TBC1D2B: variants seen among roughly 807,000 people sequenced by gnomAD.
The protein encoded by TBC1D2B is TBC1 domain family, member 2B.
TBC1D2B carries 64 observed loss-of-function variants against 100.8 expected under a neutral mutation model. That is an observed-to-expected ratio of 0.64 (90% CI 0.52 to 0.78). TBC1D2B has a LOEUF of 0.78. Ranked by LOEUF, TBC1D2B falls within the 30% of genes least tolerant of loss-of-function variation. The probability of loss-of-function intolerance (pLI) is 0.00; values close to 1 mark genes in which losing one functional copy is unlikely to be tolerated. For missense variants in TBC1D2B, 1,052 were observed against 1,218.4 expected, an observed-to-expected ratio of 0.86 and a Z score of 2.03; for synonymous variants, 480 against 479.7, an observed-to-expected ratio of 1.00 and a Z score of -0.01.
At chr15:78,001,248 G>A (rs1171633643) in intron 12 of TBC1D2B, among the ~76,000 whole-genome samples, 2 of 152,172 alleles carry the variant, frequency 1.3e-5, no homozygotes, top group East Asian at 1.9e-4. Context: ...CAAACGATGC[G>A]CAACAGTGTC....
intron 4 of TBC1D2B, among the ~76,000 whole-genome samples, chr15:78,028,590 A>G (rs978214824): frequency 6.6e-6 from 1 of 152,246 alleles, no homozygotes; most frequent in East Asian, 1.9e-4. Flanking sequence ...ATCAATCTTA[A>G]TATCAAAAGA....
rs77039980 is a variant in TBC1D2B at position 78,012,819 on chromosome 15, C to T, written c.2270+4G>A. 0.013 allele frequency: 19,197 copies of T among 1,494,160 alleles called. 186 individuals are homozygous for T. The highest frequency in any genetic ancestry group is 0.016 in the Non-Finnish European group (17,646 of 1,122,144). 92.6% of individuals were successfully genotyped at this position (1,494,160 alleles called of 1,614,324 possible). ...AATGGGAACATTTTGTGCTGTGCAC[C>T]CACCTGTTTAGGCCTTGACAGTAGC... On this transcript the variant is annotated splice_donor_region_variant and intron_variant, in intron 9 of 12. Coordinates refer to ENST00000300584, the MANE Select transcript of TBC1D2B (RefSeq NM_144572.2).
At chr15:78,054,986 T>C (rs951104362) in intron 1 of TBC1D2B, among the ~76,000 whole-genome samples, 11 of 152,166 alleles carry the variant, frequency 7.2e-5, no homozygotes, top group African/African-American at 2.2e-4. Flanking sequence ...TAATATACTA[T>C]TTAGCAATAA....
intron 6 of TBC1D2B, among the ~76,000 whole-genome samples, chr15:78,020,345 T>C (rs1057054493): frequency 1.3e-5 from 2 of 152,204 alleles, no homozygotes; most frequent in Non-Finnish European, 1.5e-5. Context: ...TCAGCCGCCA[T>C]GTATGTCTTT....
intron 12 of TBC1D2B, 41 bp from the exon 13 acceptor site, chr15:77,998,396 T>C (rs1205311820): frequency 2.0e-6 from 3 of 1,517,986 alleles, no homozygotes; most frequent in Non-Finnish European, 2.7e-6. Flanking sequence ...TCAGCGGCGC[T>C]CCAGAGAGTG....
At chr15:78,028,791 A>G (rs1214257395) in intron 4 of TBC1D2B, among the ~76,000 whole-genome samples, 1 of 152,214 alleles carries the variant, frequency 6.6e-6, no homozygotes, top group African/African-American at 2.4e-5. Flanking sequence ...AAATACAATC[A>G]GCAAACCCAG....
intron 3 of TBC1D2B, among the ~76,000 whole-genome samples, chr15:78,030,869 T>C (rs2072790951): frequency 6.6e-6 from 1 of 152,238 alleles, no homozygotes; most frequent in African/African-American, 2.4e-5. Flanking sequence ...CATATTCATA[T>C]AGTCAAGTAC....
At chr15:78,063,301 T>G (rs1253520259) in intron 1 of TBC1D2B, among the ~76,000 whole-genome samples, 6 of 152,202 alleles carry the variant, frequency 3.9e-5, no homozygotes. Context: ...TTACCCAAAA[T>G]CTCATAGCCA....
At position 78,024,398 on chromosome 15, in the gene TBC1D2B, T is replaced by G; in HGVS notation, c.1228A>C (p.Ser410Arg). Reference sequence around the variant, plus strand: ...TCCAAGCTGAACCTCTCCAGCTGGCTGGTAAGGCCCAGAATCTGATCATCC... The same window carrying G: ...TCCAAGCTGAACCTCTCCAGCTGGCGGGTAAGGCCCAGAATCTGATCATCC... Reference protein sequence around the residue: ...QKDDQILGLTSQLERFSLEKE... With the variant: ...QKDDQILGLTRQLERFSLEKE... Residue 410 changes from serine (S) to arginine (R), a missense_variant, in exon 6 of 13, where the codon AGC becomes CGC. By Grantham distance (110) the Ser-to-Arg change is moderately radical. This residue lies in a region of TBC1D2B where 627 missense variants were observed against 646.1 expected (regional missense o/e 0.97). Coordinates refer to ENST00000300584, the MANE Select transcript of TBC1D2B (RefSeq NM_144572.2). The G allele has an allele frequency of 1.2e-6, 2 of 1,614,070 alleles. No homozygotes were observed. The highest frequency in any genetic ancestry group is 1.7e-6 in the Non-Finnish European group (2 of 1,179,906).
intron 2 of TBC1D2B, among the ~76,000 whole-genome samples, chr15:78,053,100 CATCTAAGA>C (rs1288842556): frequency 1.3e-5 from 2 of 152,188 alleles, no homozygotes; most frequent in African/African-American, 4.8e-5. Context: ...ACGAAAAATT[CATCTAAGA>C]ATGCCTTTGT....
intron 2 of TBC1D2B, among the ~76,000 whole-genome samples, chr15:78,050,064 T>C (rs1196396815): frequency 6.6e-6 from 1 of 152,174 alleles, no homozygotes; most frequent in African/African-American, 2.4e-5. Context: ...AAGGATGATG[T>C]GTAATTCCTG....
At chr15:78,037,990 C>T (rs549809748) in intron 3 of TBC1D2B, among the ~76,000 whole-genome samples, 1 of 152,242 alleles carries the variant, frequency 6.6e-6, no homozygotes, top group African/African-American at 2.4e-5. Flanking sequence ...GAACTGTCGT[C>T]CTGCTAGGGA....
chr15:77,999,161 G>C (rs1567009983), intron 12 of TBC1D2B: 3 of 401,160 alleles, frequency 7.5e-6, no homozygotes, highest in Middle Eastern at 5.5e-4. Flanking sequence ...GGCCCCAAAT[G>C]CTTTGTATCC....
chr15:78,057,812 C>T (rs1352881037), intron 1 of TBC1D2B, among the ~76,000 whole-genome samples: 2 of 152,236 alleles, frequency 1.3e-5, no homozygotes, highest in African/African-American at 2.4e-5. Flanking sequence ...AAGACAGAAA[C>T]ACACACAGGT....
intron 9 of TBC1D2B, among the ~76,000 whole-genome samples, chr15:78,012,394 C>A (rs10519182): frequency 0.051 from 7,708 of 152,236 alleles, 390 homozygotes; most frequent in African/African-American, 0.12. Flanking sequence ...AAGTTTAAGT[C>A]CATGAAGGGC....
intron 4 of TBC1D2B, among the ~76,000 whole-genome samples, chr15:78,028,439 C>A (rs932625699): frequency 6.6e-6 from 1 of 152,210 alleles, no homozygotes; most frequent in Admixed American, 6.5e-5. Flanking sequence ...CCACTGCACT[C>A]CACCCTGGGT....
At chr15:78,000,261 A>C (rs536233893) in intron 12 of TBC1D2B, among the ~76,000 whole-genome samples, 8 of 152,336 alleles carry the variant, frequency 5.3e-5, no homozygotes, top group Admixed American at 4.6e-4. Context: ...GCAGTGTGGG[A>C]GGGGCCAGGT....
chr15:78,013,884 A>G (rs570731658), intron 8 of TBC1D2B, among the ~76,000 whole-genome samples: 1 of 152,328 alleles, frequency 6.6e-6, no homozygotes, highest in East Asian at 1.9e-4. Flanking sequence ...AAACAAGGAG[A>G]TTATTTGGGA....
At chr15:78,030,243 T>C (rs1436246595) in intron 3 of TBC1D2B, 73 bp from the exon 4 acceptor site, 6 of 1,300,628 alleles carry the variant, frequency 4.6e-6, no homozygotes, top group East Asian at 2.5e-5. Flanking sequence ...GTATATAGGA[T>C]TGGCAAAAAT....
Sources: gnomAD v4.1 joint callset for allele counts (sites outside exome capture counted in the v4.1 genomes callset) on GRCh38, gnomAD v4.1.1 for gene constraint, gnomAD v4.1.1 regional missense constraint, MANE v1.5 for transcripts, NCBI Gene and HGNC (gene_info 2026-07-23, HGNC 2026-07-21) for gene names.